CTBP2: variants seen among roughly 807,000 people sequenced by gnomAD.
CTBP2 encodes the protein C-terminal-binding protein 2.
Under a neutral mutation model 80.3 loss-of-function variants are expected in CTBP2, and 30 were observed. The observed-to-expected ratio is 0.37, with a 90% confidence interval of 0.28 to 0.51. The LOEUF is 0.51. Among genes scored for constraint, CTBP2 ranks in the 20% least tolerant of loss-of-function variants. The probability of loss-of-function intolerance (pLI) is 0.93; values close to 1 mark genes in which losing one functional copy is unlikely to be tolerated. For synonymous variants in CTBP2, 594 were observed against 587.4 expected (o/e 1.01, Z -0.16); for missense variants, 1,212 against 1,375.3 (o/e 0.88, Z 1.88).
intron 1 of CTBP2, among the ~76,000 whole-genome samples, chr10:125,019,103 C>T (rs1387224186): frequency 6.6e-6 from 1 of 152,234 alleles, no homozygotes; most frequent in African/African-American, 2.4e-5. Context: ...AGTGTACCTT[C>T]CTGTTCCTTC....
chr10:125,129,152 G>T (rs1349361985), intron 1 of CTBP2, among the ~76,000 whole-genome samples: 1 of 152,158 alleles, frequency 6.6e-6, no homozygotes, highest in African/African-American at 2.4e-5. Flanking sequence ...AGTATTACAT[G>T]AAATTCTAGA....
intron 3 of CTBP2, among the ~76,000 whole-genome samples, chr10:125,037,537 A>T (rs1443458065): frequency 6.6e-6 from 1 of 152,210 alleles, no homozygotes; most frequent in Non-Finnish European, 1.5e-5. Flanking sequence ...CTACAAATCA[A>T]TGGGGCCTGG....
At chr10:125,035,835 G>A (rs924070962) in intron 3 of CTBP2, among the ~76,000 whole-genome samples, 4 of 152,196 alleles carry the variant, frequency 2.6e-5, no homozygotes, top group African/African-American at 9.7e-5. Flanking sequence ...AAACAGATAG[G>A]AAGATCTCCA....
At chr10:124,996,835 A>C (rs955041299) in intron 4 of CTBP2, 2 of 152,210 alleles carry the variant, frequency 1.3e-5, no homozygotes, top group Non-Finnish European at 2.9e-5. Context: ...TTCACACACC[A>C]CATCTGTTTT....
In CTBP2 at chr10:125,026,511, T is replaced by C. The variant is rs754774371; in HGVS notation, c.1249A>G (p.Thr417Ala). The change falls in exon 1 of 9, where the codon ACG (threonine) becomes GCG (alanine). Residue 417 changes from threonine (T) to alanine (A), a missense_variant. Physicochemically the swap from Thr to Ala is moderately conservative, Grantham distance 58 (BLOSUM62 0). Transcript: ENST00000309035. ...CCAGGGGCAGAATAGGTGGCTGCCG[T>C]CTCCAGGAGGTGCTGAGATGGTGCG... The C allele has an allele frequency of 5.6e-6, 9 of 1,596,816 alleles. No individual in the cohort carries two copies. In the East Asian group the frequency reaches 2.0e-4, roughly 36 times the overall value.
At chr10:125,107,163 C>T (rs1230143252) in intron 2 of CTBP2, among the ~76,000 whole-genome samples, 1 of 152,256 alleles carries the variant, frequency 6.6e-6, no homozygotes, top group Non-Finnish European at 1.5e-5. Context: ...TCCCCTACTC[C>T]GAAGGCTGGC....
At chr10:125,013,030 G>C (rs543189978) in intron 1 of CTBP2, among the ~76,000 whole-genome samples, 1 of 152,272 alleles carries the variant, frequency 6.6e-6, no homozygotes, top group Non-Finnish European at 1.5e-5. Flanking sequence ...CAAGCTGCCA[G>C]CCAGCAGCAA....
intron 2 of CTBP2, among the ~76,000 whole-genome samples, chr10:125,064,806 T>C (rs534568197): frequency 1.1e-4 from 16 of 152,328 alleles, no homozygotes; most frequent in African/African-American, 3.1e-4. Flanking sequence ...CCAAGGCTTG[T>C]GGTTAAAGAC....
intron 2 of CTBP2, among the ~76,000 whole-genome samples, chr10:125,090,307 G>A (rs1261892078): frequency 9.6e-6 from 1 of 104,284 alleles, no homozygotes; most frequent in Non-Finnish European, 2.0e-5. Flanking sequence ...AAAAAAGGTT[G>A]GGGGGATGGG....
At chr10:125,134,893 C>A (rs1486053486) in intron 1 of CTBP2, among the ~76,000 whole-genome samples, 1 of 148,164 alleles carries the variant, frequency 6.7e-6, no homozygotes, top group African/African-American at 2.5e-5. Flanking sequence ...CTGCCCCCTG[C>A]CCCCTGCCCC....
At chr10:125,086,683 T>C (rs918894704) in intron 2 of CTBP2, among the ~76,000 whole-genome samples, 1 of 151,354 alleles carries the variant, frequency 6.6e-6, no homozygotes, top group African/African-American at 2.4e-5. Context: ...GTACCGTCTC[T>C]GAACCAGAAC....
chr10:125,140,126 T>C (rs920284423), intron 1 of CTBP2, among the ~76,000 whole-genome samples: 1 of 151,964 alleles, frequency 6.6e-6, no homozygotes, highest in Non-Finnish European at 1.5e-5. Flanking sequence ...TGCTAAGCTA[T>C]GTATGTCTTT....
intron 3 of CTBP2, among the ~76,000 whole-genome samples, chr10:125,035,129 G>A (rs888905060): frequency 7.2e-5 from 11 of 152,244 alleles, no homozygotes; most frequent in Non-Finnish European, 1.2e-4. Flanking sequence ...CCTCATCCCC[G>A]GCAGCATCTT....
At chr10:125,025,962 GT>G in intron 1 of CTBP2, 1 of 881,982 alleles carries the variant, frequency 1.1e-6, no homozygotes, top group Non-Finnish European at 1.6e-6. Flanking sequence ...TTGTTTGGTG[GT>G]GTGTGTGTGT....
chr10:125,099,589 T>C (rs1564916961), intron 2 of CTBP2, among the ~76,000 whole-genome samples: 2 of 152,322 alleles, frequency 1.3e-5, no homozygotes, highest in South Asian at 2.1e-4. Flanking sequence ...TCACTCTCAA[T>C]AAAGCAATGC....
chr10:125,057,558 C>T (rs1041374686), intron 2 of CTBP2, among the ~76,000 whole-genome samples: 7 of 152,290 alleles, frequency 4.6e-5, no homozygotes, highest in African/African-American at 1.2e-4. Context: ...GCTGTGAGTG[C>T]GTATCCCTTT....
chr10:125,143,260 G>T (rs1398865628), intron 1 of CTBP2, among the ~76,000 whole-genome samples: 4 of 152,174 alleles, frequency 2.6e-5, no homozygotes, highest in African/African-American at 4.8e-5. Context: ...GGCTGAGGCA[G>T]GCCGACCACC....
intron 2 of CTBP2, among the ~76,000 whole-genome samples, chr10:125,099,667 G>T (rs539785925): frequency 6.6e-6 from 1 of 152,248 alleles, no homozygotes; most frequent in East Asian, 1.9e-4. Flanking sequence ...AAAAACCCAT[G>T]GCTAAAGGAG....
chr10:125,090,314 T>C (rs1296807387), intron 2 of CTBP2, among the ~76,000 whole-genome samples: 2 of 111,536 alleles, frequency 1.8e-5, no homozygotes, highest in African/African-American at 4.2e-5. Flanking sequence ...GTTGGGGGGA[T>C]GGGATTTGGC....
Sources: allele counts gnomAD v4.1 joint callset (sites outside exome capture counted in the v4.1 genomes callset), GRCh38; gene constraint gnomAD v4.1.1; transcripts MANE v1.5; gene names NCBI Gene and HGNC (gene_info 2026-07-23, HGNC 2026-07-21).